The following LAMA4 variants were observed in gnomAD, a reference collection of about 807,000 sequenced individuals.
LAMA4 encodes laminin subunit alpha 4.
LAMA4 carries 127 observed loss-of-function variants against 207.1 expected under a neutral mutation model. That is an observed-to-expected ratio of 0.61 (90% CI 0.53 to 0.71). The LOEUF is 0.71. Among genes scored for constraint, LAMA4 ranks in the 30% least tolerant of loss-of-function variants. The pLI is 0.00. For synonymous variants in LAMA4, 761 were observed against 816.0 expected (o/e 0.93, Z 1.15); for missense variants, 2,093 against 2,246.5 (o/e 0.93, Z 1.38).
chr6:112,154,888 G>A lies in LAMA4; in HGVS notation c.2019C>T (p.Leu673=). ...IYHKDESENL[L]NQARELQAKA... is the part of the protein sequence containing the mutation. ...TTGCTTGCAGTTCTCTGGCTTGATT[G>A]AGGAGGTTCTCACTTTCATCTTTAT... Residue 673 remains leucine (L), a synonymous_variant, in exon 16 of 39, where the codon CTC becomes CTT. Transcript: ENST00000230538. 1.2e-6 allele frequency: 2 copies of A among 1,613,232 alleles called. No homozygotes were observed. The highest frequency in any genetic ancestry group is 2.7e-5 in the African/African-American group (2 of 75,030).
At chr6:112,235,213 AG>A (rs1554365666) in intron 2 of LAMA4, among the ~76,000 whole-genome samples, 1 of 152,244 alleles carries the variant, frequency 6.6e-6, no homozygotes, top group Non-Finnish European at 1.5e-5. Flanking sequence ...TATTAGGTTC[AG>A]GGCATATCTC....
chr6:112,185,919 G>A (rs1782656036), intron 8 of LAMA4, among the ~76,000 whole-genome samples: 1 of 152,114 alleles, frequency 6.6e-6, no homozygotes, highest in South Asian at 2.1e-4. Flanking sequence ...TTGAAGTTGT[G>A]CCTTTGAGGA....
intron 33 of LAMA4, among the ~76,000 whole-genome samples, chr6:112,119,862 A>G (rs781888145): frequency 3.1e-4 from 47 of 152,218 alleles, no homozygotes; most frequent in Non-Finnish European, 6.0e-4. Flanking sequence ...TTGACATTAC[A>G]TACCCACCAA....
At chr6:112,187,057 C>G (rs797030110) in intron 8 of LAMA4, among the ~76,000 whole-genome samples, 10 of 152,274 alleles carry the variant, frequency 6.6e-5, no homozygotes, top group African/African-American at 2.4e-4. Flanking sequence ...TAGACAAACT[C>G]AAAACCTTGC....
chr6:112,190,873 TTC>T (rs1184321958), intron 6 of LAMA4, among the ~76,000 whole-genome samples: 4 of 36,082 alleles, frequency 1.1e-4, no homozygotes, highest in Non-Finnish European at 1.7e-4. Context: ...AGGTTTCTTT[TTC>T]TTTCTTTCTT....
At chr6:112,197,790 A>C (rs1242500821) in intron 5 of LAMA4, among the ~76,000 whole-genome samples, 1 of 152,264 alleles carries the variant, frequency 6.6e-6, no homozygotes, top group East Asian at 1.9e-4. Flanking sequence ...TTAGTTTTAC[A>C]GTTTGCCTTG....
intron 18 of LAMA4, among the ~76,000 whole-genome samples, chr6:112,146,789 C>A (rs1780056985): frequency 1.3e-5 from 2 of 152,132 alleles, no homozygotes; most frequent in Admixed American, 1.3e-4. Flanking sequence ...AAAATAATAG[C>A]AACTATCAGT....
At chr6:112,213,418 C>G (rs1005788032) in intron 3 of LAMA4, 8 of 152,240 alleles carry the variant, frequency 5.3e-5, no homozygotes, top group African/African-American at 1.9e-4. Flanking sequence ...AGAGAGCCAG[C>G]CATATCCACC....
At chr6:112,197,474 G>A (rs1182067419) in intron 5 of LAMA4, among the ~76,000 whole-genome samples, 2 of 152,202 alleles carry the variant, frequency 1.3e-5, no homozygotes, top group African/African-American at 4.8e-5. Flanking sequence ...GCATTTTCAT[G>A]TAATACCCCT....
intron 38 of LAMA4, among the ~76,000 whole-genome samples, chr6:112,113,335 C>T (rs1366119614): frequency 6.6e-6 from 1 of 152,196 alleles, no homozygotes; most frequent in Non-Finnish European, 1.5e-5. Flanking sequence ...CACCAAGTTC[C>T]AGCTGCAAAA....
chr6:112,128,781 A>T (rs934303179), intron 31 of LAMA4, 141 bp downstream of exon 31: 1 of 689,560 alleles, frequency 1.5e-6, no homozygotes, highest in African/African-American at 1.8e-5. Flanking sequence ...GTAAACTAGA[A>T]TATGTGATAC....
Position 112,150,543 on chromosome 6 carries a change from T to C in LAMA4, c.2141A>G (p.Asp714Gly), listed in dbSNP as rs782705506. 1.9e-6 allele frequency: 3 copies of C among 1,613,636 alleles called. No individual in the cohort carries two copies. The highest frequency in any genetic ancestry group is 1.3e-5 in the African/African-American group (1 of 75,026). ...TGCTGCTTGTAGTTGCTTAACGGCA[T>C]CACTGAGTCTGGTTTTAAGGGCACT... ...RKSALKTRLS[D>G]AVKQLQAAER... The change falls in exon 17 of 39, where the codon GAT becomes GGT. Residue 714 changes from aspartate (D) to glycine (G), a missense_variant. Physicochemically the swap from Asp to Gly is moderately conservative, Grantham distance 94. This residue lies in a region of LAMA4 where 1,704 missense variants were observed against 1,788.4 expected (regional missense o/e 0.95). Transcript: ENST00000230538.
intron 2 of LAMA4, among the ~76,000 whole-genome samples, chr6:112,229,055 T>C (rs944800595): frequency 3.3e-5 from 5 of 152,178 alleles, no homozygotes; most frequent in Non-Finnish European, 7.3e-5. Context: ...TCAAGTTGCC[T>C]TTACCAAATT....
intron 2 of LAMA4, chr6:112,216,780 G>A: frequency 1.1e-5 from 4 of 360,806 alleles, no homozygotes; most frequent in Non-Finnish European, 1.6e-5. Context: ...CAGTAAGGGA[G>A]AAAAAAATGC....
intron 24 of LAMA4, among the ~76,000 whole-genome samples, chr6:112,138,609 TTA>T: frequency 1.1e-5 from 1 of 91,902 alleles, no homozygotes; most frequent in East Asian, 5.5e-4. Flanking sequence ...ATATAATCTT[TTA>T]TTTTATCTTT....
chr6:112,155,888 T>C (rs1780683807), intron 14 of LAMA4, among the ~76,000 whole-genome samples, 182 bp from the exon 15 acceptor site: 1 of 152,254 alleles, frequency 6.6e-6, no homozygotes, highest in Non-Finnish European at 1.5e-5. Context: ...CTGTCTTTGC[T>C]GAACAGCATT....
intron 4 of LAMA4, among the ~76,000 whole-genome samples, chr6:112,206,601 A>C (rs1217491358): frequency 6.6e-6 from 1 of 152,156 alleles, no homozygotes; most frequent in Non-Finnish European, 1.5e-5. Context: ...TCTAATTCTG[A>C]CTGAAAAGCC....
At chr6:112,143,029 A>G (rs1248240190) in intron 19 of LAMA4, among the ~76,000 whole-genome samples, 1 of 152,190 alleles carries the variant, frequency 6.6e-6, no homozygotes, top group Non-Finnish European at 1.5e-5. Context: ...AGCACAATTC[A>G]GTAAGTGCAT....
intron 2 of LAMA4, among the ~76,000 whole-genome samples, chr6:112,246,920 T>G (rs1786989924): frequency 6.6e-6 from 1 of 152,208 alleles, no homozygotes; most frequent in Admixed American, 6.5e-5. Context: ...TAAAGAACCA[T>G]AAAAGACACA....
Sources: allele counts gnomAD v4.1 joint callset (sites outside exome capture counted in the v4.1 genomes callset), GRCh38; gene constraint gnomAD v4.1.1; regional missense constraint gnomAD v4.1.1; transcripts MANE v1.5; gene names NCBI Gene and HGNC (gene_info 2026-07-23, HGNC 2026-07-21).